Variants in ACTN2 observed in about 807,000 individuals in gnomAD.
The protein encoded by ACTN2 is alpha-actinin-2.
Under a neutral mutation model 113.8 loss-of-function variants are expected in ACTN2, and 39 were observed. The observed-to-expected ratio is 0.34, with a 90% CI of 0.27 to 0.45. The LOEUF (loss-of-function observed/expected upper bound fraction) is 0.45, where lower values mean the gene tolerates loss of function less well. Among genes scored for constraint, ACTN2 ranks in the 20% least tolerant of loss-of-function variants. ACTN2 has a pLI of 1.00. For missense variants in ACTN2, 992 were observed against 1,177.9 expected, an observed-to-expected ratio of 0.84 and a Z score of 2.31; for synonymous variants, 429 against 444.1, an observed-to-expected ratio of 0.97 and a Z score of 0.43.
At chr1:236,697,617 T>C (rs1245722775) in intron 1 of ACTN2, among the ~76,000 whole-genome samples, 1 of 152,220 alleles carries the variant, frequency 6.6e-6, no homozygotes, top group African/African-American at 2.4e-5. Flanking sequence ...TTGATTTTCT[T>C]TCTGGAGAAA....
chr1:236,747,684 A>G lies in ACTN2; in HGVS notation c.1424A>G (p.Asp475Gly). Residue 475 changes from aspartate (D) to glycine (G), a missense_variant, in exon 13 of 21, where the codon GAC becomes GGC. Coordinates refer to ENST00000366578, the MANE Select transcript of ACTN2 (RefSeq NM_001103.4). ...TTTAATAGTGAACTGGACTATCACGACGCTGTGAATGTCAATGATCGGTGC... is the reference window on the plus strand; with the variant it reads ...TTTAATAGTGAACTGGACTATCACGGCGCTGTGAATGTCAATGATCGGTGC... Reference protein sequence around the residue: ...AQELNELDYHDAVNVNDRCQK... With the variant: ...AQELNELDYHGAVNVNDRCQK... 6.2e-7 allele frequency: 1 copy of G among 1,614,074 alleles called. No homozygotes were observed. Among genetic ancestry groups the G allele is most frequent in the Non-Finnish European group, 8.5e-7 (1 of 1,179,932 alleles).
intron 1 of ACTN2, among the ~76,000 whole-genome samples, chr1:236,692,462 C>A (rs1666118447): frequency 6.6e-6 from 1 of 152,106 alleles, no homozygotes; most frequent in African/African-American, 2.4e-5. Context: ...GCTGAGGTGG[C>A]AAATCCGGTG....
intron 17 of ACTN2, 83 bp downstream of exon 17, chr1:236,755,281 T>C: frequency 2.0e-6 from 3 of 1,502,736 alleles, no homozygotes; most frequent in Non-Finnish European, 1.8e-6. Flanking sequence ...CATGCACTTG[T>C]CTTTCTTTGT....
At position 236,731,227 on chromosome 1, in the gene ACTN2, A is replaced by T. The variant is rs539077634; in HGVS notation, c.616-6A>T. ...TAAAAATCTGACTGTCTTGGTTTTC[A>T]TACAGGATGACCCCATAGGAAATAT... On this transcript the variant is annotated splice_polypyrimidine_tract_variant and splice_region_variant and intron_variant, in intron 6 of 20. Coordinates refer to ENST00000366578, the MANE Select transcript of ACTN2 (RefSeq NM_001103.4). 2 of 1,609,046 alleles carry T rather than the reference A, an allele frequency of 1.2e-6. No individual in the cohort carries two copies. The highest frequency in any genetic ancestry group is 1.1e-5 in the South Asian group (1 of 90,958).
chr1:236,689,346 CAT>C (rs1322475697), intron 1 of ACTN2, among the ~76,000 whole-genome samples: 2 of 133,764 alleles, frequency 1.5e-5, no homozygotes, highest in African/African-American at 2.7e-5. Flanking sequence ...TATACACACA[CAT>C]ATGTATATTT....
intron 1 of ACTN2, 37 bp downstream of exon 1, chr1:236,686,836 G>C: frequency 7.1e-7 from 1 of 1,403,044 alleles, no homozygotes; most frequent in African/African-American, 1.5e-5. Context: ...CGCGTGGTGG[G>C]GCCGGGTCCC....
chr1:236,741,674 G>T (rs561172585), intron 10 of ACTN2, among the ~76,000 whole-genome samples: 1 of 152,130 alleles, frequency 6.6e-6, no homozygotes, highest in Non-Finnish European at 1.5e-5. Flanking sequence ...TTACCTCCAC[G>T]GCCACTGGCC....
chr1:236,751,552 A>G lies in ACTN2; in HGVS notation c.1739A>G (p.Asn580Ser). The G allele has an allele frequency of 6.2e-7, 1 of 1,614,116 alleles. No individual in the cohort carries two copies. Among genetic ancestry groups the G allele is most frequent in the South Asian group, 1.1e-5 (1 of 91,074 alleles). The change falls in exon 15 of 21, where the codon AAC becomes AGC. Residue 580 changes from asparagine to serine, a missense_variant. This residue lies in a region of ACTN2 where 736 missense variants were observed against 815.4 expected (regional missense o/e 0.90). Transcript: ENST00000366578. Reference sequence around the variant, plus strand: ...CGGCAGTCCATCATGGCCATCCAGAACGAGGTGGAGAAGGTGATTCAGAGC... The same window carrying G: ...CGGCAGTCCATCATGGCCATCCAGAGCGAGGTGGAGAAGGTGATTCAGAGC... ...GERQSIMAIQ[N>S]EVEKVIQSYN... is the part of the protein sequence containing the mutation.
chr1:236,686,806 A>G lies in ACTN2; in HGVS notation c.126+7A>G, dbSNP rs753143220. ...GGAGAAGCAGCAGAGGAAGGTCAGC[A>G]GGGGCCCGCGGGCCGCCCGCGCGTG... On this transcript the variant is annotated splice_region_variant and intron_variant, in intron 1 of 20. Transcript: ENST00000366578. 1 of 1,494,794 alleles carries G rather than the reference A, an allele frequency of 6.7e-7. No individual in the cohort carries two copies. The highest frequency in any genetic ancestry group is 1.4e-5 in the African/African-American group (1 of 69,026). 92.6% of individuals were successfully genotyped at this position (1,494,794 alleles called of 1,614,324 possible).
At chr1:236,703,433 C>CTTT (rs35432183) in intron 1 of ACTN2, among the ~76,000 whole-genome samples, 4 of 98,820 alleles carry the variant, frequency 4.0e-5, no homozygotes, top group African/African-American at 7.8e-5. Context: ...GGCCTACTAC[C>CTTT]TTTTTTTTTT....
intron 18 of ACTN2, among the ~76,000 whole-genome samples, chr1:236,758,596 T>TTTTTG (rs71178352): frequency 0.27 from 39,556 of 146,146 alleles, 6,341 homozygotes; most frequent in African/African-American, 0.44. Flanking sequence ...GCCTTTTTTC[T>TTTTTG]TTTTGTTTTG....
At chr1:236,693,177 GCACACACA>G (rs35891713) in intron 1 of ACTN2, among the ~76,000 whole-genome samples, 4,962 of 149,030 alleles carry the variant, frequency 0.033, 97 homozygotes, top group African/African-American at 0.055. Flanking sequence ...CTGCACACAT[GCACACACA>G]CACACACACA....
At chr1:236,742,272 C>A (rs995287023) in intron 10 of ACTN2, among the ~76,000 whole-genome samples, 7 of 126,362 alleles carry the variant, frequency 5.5e-5, no homozygotes, top group African/African-American at 9.9e-5. Flanking sequence ...CCCCAACCAC[C>A]ATGGAAGCTG....
At chr1:236,737,696 T>C (rs1319662722) in intron 9 of ACTN2, among the ~76,000 whole-genome samples, 1 of 152,024 alleles carries the variant, frequency 6.6e-6, no homozygotes, top group East Asian at 1.9e-4. Flanking sequence ...TCTGTATAAA[T>C]ACCCAGAGGA....
chr1:236,702,286 T>C (rs1419138550), intron 1 of ACTN2, among the ~76,000 whole-genome samples: 1 of 152,050 alleles, frequency 6.6e-6, no homozygotes, highest in Non-Finnish European at 1.5e-5. Flanking sequence ...TACAGACAAC[T>C]AGGGAAGGGC....
chr1:236,695,313 G>A (rs1389640816), intron 1 of ACTN2, among the ~76,000 whole-genome samples: 2 of 150,670 alleles, frequency 1.3e-5, no homozygotes, highest in African/African-American at 4.9e-5. Flanking sequence ...GGGAGGCGGC[G>A]GCTGCTGTGA....
chr1:236,731,624 T>G (rs1658714360), intron 7 of ACTN2, among the ~76,000 whole-genome samples: 1 of 152,254 alleles, frequency 6.6e-6, no homozygotes, highest in South Asian at 2.1e-4. Flanking sequence ...ACATTTCCTG[T>G]ATTTATTTTT....
rs571849572 is a variant in ACTN2, at chr1:236,725,444, G to A, written c.449-489G>A. 1.1e-3 allele frequency among the ~76,000 whole-genome samples: 169 copies of A among 152,062 alleles called. 1 individual carries two copies. The highest frequency in any genetic ancestry group is 3.4e-3 in the Middle Eastern group (1 of 294). On this transcript the variant is annotated intron_variant, in intron 4 of 20. Transcript: ENST00000366578. ...GGAGTTCAAGACCAGCCTGGCCAACGTGGCAAAATCCTGTCTCTACTAAAA... is the reference window on the plus strand; with the variant it reads ...GGAGTTCAAGACCAGCCTGGCCAACATGGCAAAATCCTGTCTCTACTAAAA...
chr1:236,744,611 C>T lies in ACTN2; in HGVS notation c.1256-15C>T. 1.2e-6 allele frequency: 2 copies of T among 1,613,936 alleles called. No individual in the cohort carries two copies. Among genetic ancestry groups the T allele is most frequent in the East Asian group, 2.2e-5 (1 of 44,868 alleles). Reference sequence around the variant, plus strand: ...CCCTCAGCATATTCATACTTTCTTGCTACCACCTTTGCAGGCAAAGAGCAG... The same window carrying T: ...CCCTCAGCATATTCATACTTTCTTGTTACCACCTTTGCAGGCAAAGAGCAG... On this transcript the variant is annotated splice_polypyrimidine_tract_variant and intron_variant, in intron 11 of 20. Transcript: ENST00000366578.
Sources: allele counts gnomAD v4.1 joint callset (sites outside exome capture counted in the v4.1 genomes callset), GRCh38; gene constraint gnomAD v4.1.1; regional missense constraint gnomAD v4.1.1; transcripts MANE v1.5; gene names NCBI Gene and HGNC (gene_info 2026-07-23, HGNC 2026-07-21).